Variants in LRMDA observed in about 807,000 individuals in gnomAD.
The protein encoded by LRMDA is leucine rich melanocyte differentiation associated.
In LRMDA, 18 loss-of-function variants were observed where a neutral mutation model predicts 29.8. The ratio of observed to expected loss-of-function variants is 0.60; its 90% CI spans 0.42 to 0.90. LRMDA has a LOEUF of 0.90. Ranked by LOEUF, LRMDA falls within the 40% of genes least tolerant of loss-of-function variation. The pLI is 0.00. For synonymous variants in LRMDA, 125 were observed against 109.4 expected (o/e 1.14, Z -0.89); for missense variants, 273 against 273.9 (o/e 1.00, Z 0.02).
At chr10:75,707,026 C>T (rs1289832915) in intron 2 of LRMDA, among the ~76,000 whole-genome samples, 1 of 152,216 alleles carries the variant, frequency 6.6e-6, no homozygotes, top group African/African-American at 2.4e-5. Flanking sequence ...TTATGCAATT[C>T]TCTCAAGTCA....
intron 5 of LRMDA, among the ~76,000 whole-genome samples, chr10:76,283,504 G>T (rs893264216): frequency 2.6e-5 from 4 of 152,166 alleles, no homozygotes; most frequent in African/African-American, 9.7e-5. Flanking sequence ...TACTGAAGGA[G>T]GCCTCTAAAA....
intron 5 of LRMDA, among the ~76,000 whole-genome samples, chr10:76,116,200 A>G (rs1564656909): frequency 6.6e-6 from 1 of 152,304 alleles, no homozygotes; most frequent in East Asian, 1.9e-4. Context: ...TCAAACGGGT[A>G]GAGCTGATAT....
intron 2 of LRMDA, among the ~76,000 whole-genome samples, chr10:75,903,344 C>T (rs1280410464): frequency 6.6e-6 from 1 of 152,196 alleles, no homozygotes; most frequent in Non-Finnish European, 1.5e-5. Context: ...TGTTGAATTT[C>T]CTTCGCTGGC....
chr10:76,051,624 C>G (rs1011019259), intron 4 of LRMDA, among the ~76,000 whole-genome samples: 1 of 152,128 alleles, frequency 6.6e-6, no homozygotes, highest in African/African-American at 2.4e-5. Flanking sequence ...CAAGAAAGGA[C>G]GACATGGACA....
rs369408716 is a variant in LRMDA, at chr10:76,132,815, C to CGG, written c.516+74039_516+74040dup. ...AGCTGACAAGCACCTTCTTTTTTGG[C>CGG]GGGGGGGGTCAGAGTTTCGCTCTGT... is the stretch of plus-strand genomic sequence containing the variant. On this transcript the variant is annotated intron_variant, in intron 5 of 6. Coordinates refer to ENST00000611255, the MANE Select transcript of LRMDA (RefSeq NM_001305581.2). Among the ~76,000 whole-genome samples the CGG allele has an allele frequency of 1.7e-3, 249 of 147,436 alleles. 1 individual carries two copies. The highest frequency in any genetic ancestry group is 5.9e-3 in the African/African-American group (228 of 38,402).
At chr10:75,480,912 G>T (rs565951784) in intron 2 of LRMDA, among the ~76,000 whole-genome samples, 1 of 152,106 alleles carries the variant, frequency 6.6e-6, no homozygotes, top group Non-Finnish European at 1.5e-5. Context: ...GAGGGGTGAG[G>T]CATGGGAGGA....
At chr10:75,528,842 A>G (rs1304187165) in intron 2 of LRMDA, among the ~76,000 whole-genome samples, 1 of 152,242 alleles carries the variant, frequency 6.6e-6, no homozygotes, top group Non-Finnish European at 1.5e-5. Context: ...TTGGAGAGAT[A>G]AAACGAGATA....
At chr10:75,553,607 C>A (rs1409225975) in intron 2 of LRMDA, among the ~76,000 whole-genome samples, 1 of 152,142 alleles carries the variant, frequency 6.6e-6, no homozygotes, top group African/African-American at 2.4e-5. Context: ...TCCTCCAGGG[C>A]AGCAGGCCTC....
intron 2 of LRMDA, among the ~76,000 whole-genome samples, chr10:75,971,265 T>C (rs947825932): frequency 5.9e-5 from 9 of 152,328 alleles, no homozygotes; most frequent in African/African-American, 2.2e-4. Context: ...TTGGGGTAGC[T>C]ATAGACAGCC....
intron 2 of LRMDA, among the ~76,000 whole-genome samples, chr10:75,576,196 C>T (rs1031088702): frequency 6.6e-6 from 1 of 152,290 alleles, no homozygotes; most frequent in East Asian, 1.9e-4. Flanking sequence ...GGGGCATCCA[C>T]CATTGCTGAG....
intron 4 of LRMDA, among the ~76,000 whole-genome samples, chr10:76,055,729 C>G (rs957695788): frequency 2.6e-5 from 4 of 152,266 alleles, no homozygotes; most frequent in African/African-American, 9.6e-5. Flanking sequence ...GGCATGGGCA[C>G]TAGCTCCCTG....
intron 2 of LRMDA, among the ~76,000 whole-genome samples, chr10:75,773,809 C>G (rs1387548652): frequency 1.3e-5 from 2 of 152,340 alleles, no homozygotes; most frequent in East Asian, 3.9e-4. Context: ...CTCAACTATC[C>G]TGGCCCACGT....
chr10:75,456,467 T>C (rs2132035177), intron 2 of LRMDA, among the ~76,000 whole-genome samples: 1 of 152,340 alleles, frequency 6.6e-6, no homozygotes, highest in Middle Eastern at 3.4e-3. Flanking sequence ...CATTCTTCCC[T>C]GGGAGAATTG....
At chr10:76,251,503 C>T (rs1232120406) in intron 5 of LRMDA, among the ~76,000 whole-genome samples, 1 of 151,578 alleles carries the variant, frequency 6.6e-6, no homozygotes, top group East Asian at 2.0e-4. Context: ...CCACCCGCCT[C>T]GGCCTCCCAA....
chr10:76,079,523 C>A (rs554507346), intron 5 of LRMDA, among the ~76,000 whole-genome samples: 3 of 152,298 alleles, frequency 2.0e-5, no homozygotes, highest in South Asian at 2.1e-4. Context: ...AATAAAGTCT[C>A]ATTGAGTTGG....
At chr10:76,021,361 G>T (rs1847971687) in intron 2 of LRMDA, among the ~76,000 whole-genome samples, 1 of 152,208 alleles carries the variant, frequency 6.6e-6, no homozygotes, top group South Asian at 2.1e-4. Flanking sequence ...GATCTTGGCA[G>T]ATCCTTAGAA....
chr10:75,723,468 G>A (rs1159849920), intron 2 of LRMDA, among the ~76,000 whole-genome samples: 2 of 152,200 alleles, frequency 1.3e-5, no homozygotes, highest in East Asian at 1.9e-4. Context: ...TATTGTCACA[G>A]TCCCAAACAC....
At chr10:76,290,887 G>T (rs1229029756) in intron 5 of LRMDA, among the ~76,000 whole-genome samples, 5 of 152,176 alleles carry the variant, frequency 3.3e-5, no homozygotes, top group Admixed American at 2.6e-4. Context: ...GTATGGGTAT[G>T]TGTGATGTGA....
chr10:75,802,964 ATATATATATT>A (rs1843782217), intron 2 of LRMDA, among the ~76,000 whole-genome samples: 1 of 127,944 alleles, frequency 7.8e-6, no homozygotes, highest in Non-Finnish European at 1.6e-5. Context: ...GTATATATAT[ATATATATATT>A]TTTTTTTTTT....
Sources: allele counts gnomAD v4.1 joint callset (sites outside exome capture counted in the v4.1 genomes callset), GRCh38; gene constraint gnomAD v4.1.1; transcripts MANE v1.5; gene names NCBI Gene and HGNC (gene_info 2026-07-23, HGNC 2026-07-21).